CRPPA: variants seen among roughly 807,000 people sequenced by gnomAD.
CRPPA encodes the protein D-ribitol-5-phosphate cytidylyltransferase.
In CRPPA, 43 loss-of-function variants were observed where a neutral mutation model predicts 52.0. The observed-to-expected ratio is 0.83, with a 90% CI of 0.65 to 1.07. CRPPA has a LOEUF of 1.07. CRPPA is among the 50% of genes least tolerant of loss of function. The pLI is 0.00. For synonymous variants in CRPPA, 250 were observed against 203.5 expected (o/e 1.23, Z -1.94); for missense variants, 629 against 551.7 (o/e 1.14, Z -1.40).
chr7:16,243,145 T>C (rs1177885305), intron 8 of CRPPA, among the ~76,000 whole-genome samples: 1 of 152,154 alleles, frequency 6.6e-6, no homozygotes, highest in East Asian at 1.9e-4. Flanking sequence ...GCTGTTCTCG[T>C]GATAGTGAGT....
intron 9 of CRPPA, among the ~76,000 whole-genome samples, chr7:16,207,180 C>A (rs1464786551): frequency 6.6e-6 from 1 of 152,064 alleles, no homozygotes; most frequent in South Asian, 2.1e-4. Flanking sequence ...TTGCATATGA[C>A]CAAATTCTAC....
intron 3 of CRPPA, among the ~76,000 whole-genome samples, chr7:16,370,326 G>A (rs1338686196): frequency 2.0e-5 from 3 of 152,170 alleles, no homozygotes; most frequent in African/African-American, 7.2e-5. Context: ...AGCCATAGTT[G>A]CTATTTCTGC....
In CRPPA at chr7:16,238,896, G is replaced by A. The variant is rs368183856; in HGVS notation, c.1119+19494C>T. Among the ~76,000 whole-genome samples the A allele has an allele frequency of 3.3e-5, 5 of 152,112 alleles. 1 individual carries two copies. Among genetic ancestry groups the A allele is most frequent in the East Asian group, 3.9e-4 (2 of 5,184 alleles). On this transcript the variant is annotated intron_variant, in intron 8 of 9. Transcript: ENST00000407010. ...CTCATGCCTGTAATCCCAGCACTCT[G>A]GGAGGCCAAGGTGGGTGGATCACTT...
At chr7:16,337,152 G>A (rs914333337) in intron 3 of CRPPA, among the ~76,000 whole-genome samples, 2 of 151,946 alleles carry the variant, frequency 1.3e-5, no homozygotes, top group East Asian at 1.9e-4. Flanking sequence ...GAGAACATTC[G>A]GTCCAACGGC....
intron 3 of CRPPA, among the ~76,000 whole-genome samples, chr7:16,327,276 T>C (rs991075360): frequency 6.6e-6 from 1 of 152,114 alleles, no homozygotes; most frequent in Non-Finnish European, 1.5e-5. Flanking sequence ...TTGTTCAACA[T>C]GCATCCTGTG....
chr7:16,088,121 A>C lies in CRPPA; in HGVS notation c.*3574T>G, dbSNP rs1467432226. Reference sequence around the variant, plus strand: ...CTCAAATTGAGCACTTTTATGAAAAAAAATAGGACCTCTACCAAAATGTCA... The same window carrying C: ...CTCAAATTGAGCACTTTTATGAAAACAAATAGGACCTCTACCAAAATGTCA... On this transcript the variant is annotated 3_prime_UTR_variant, in exon 10 of 10. Coordinates refer to ENST00000407010, the MANE Select transcript of CRPPA (RefSeq NM_001101426.4). 1 of 152,190 alleles carries C rather than the reference A, an allele frequency of 6.6e-6. No individual in the cohort carries two copies. Among genetic ancestry groups the C allele is most frequent in the Non-Finnish European group, 1.5e-5 (1 of 68,034 alleles). The allele number at this position is 152,190 out of a possible 1,614,324, so 9.4% of individuals were successfully genotyped here. A position where few individuals can be genotyped will look rare whatever the true frequency, so the allele number is the denominator to read the frequency against.
At chr7:16,403,685 G>A (rs542391562) in intron 2 of CRPPA, among the ~76,000 whole-genome samples, 4 of 152,186 alleles carry the variant, frequency 2.6e-5, no homozygotes, top group East Asian at 1.9e-4. Flanking sequence ...AGTCAGTACA[G>A]TGAGAGAACT....
At chr7:16,412,335 A>G (rs1381135224) in intron 1 of CRPPA, among the ~76,000 whole-genome samples, 2 of 152,324 alleles carry the variant, frequency 1.3e-5, no homozygotes, top group South Asian at 2.1e-4. Context: ...CGTAGCACAG[A>G]GATAGGTTGT....
At chr7:16,315,743 C>T (rs1471619174) in intron 3 of CRPPA, among the ~76,000 whole-genome samples, 2 of 152,086 alleles carry the variant, frequency 1.3e-5, no homozygotes, top group African/African-American at 2.4e-5. Context: ...TCCCCTTTGA[C>T]TGGGTCCTCC....
At chr7:16,149,703 T>C (rs1783038053) in intron 9 of CRPPA, among the ~76,000 whole-genome samples, 1 of 152,180 alleles carries the variant, frequency 6.6e-6, no homozygotes, top group Non-Finnish European at 1.5e-5. Context: ...TAAAAACTAT[T>C]GGCCAGGAGC....
chr7:16,088,885 C>T lies in CRPPA; in HGVS notation c.*2810G>A, dbSNP rs1781755054. 1 of 178,402 alleles carries T rather than the reference C, an allele frequency of 5.6e-6. No individual in the cohort carries two copies. Among genetic ancestry groups the T allele is most frequent in the Non-Finnish European group, 1.2e-5 (1 of 81,774 alleles). 11.1% of individuals were successfully genotyped at this position (178,402 alleles called of 1,614,324 possible). On this transcript the variant is annotated 3_prime_UTR_variant, in exon 10 of 10. Coordinates refer to ENST00000407010, the MANE Select transcript of CRPPA (RefSeq NM_001101426.4). ...TGTCCCACCCTTCTTGTCCATTTCG[C>T]CAATGTTCATTCAGTGCCTCTGGCT...
intron 6 of CRPPA, among the ~76,000 whole-genome samples, chr7:16,266,475 T>C (rs1438608834): frequency 1.5e-5 from 2 of 137,134 alleles, no homozygotes; most frequent in African/African-American, 2.8e-5. Context: ...TCCCGTTTTT[T>C]GTTTTTCTTT....
chr7:16,286,044 A>AATATATATATATATAT, intron 5 of CRPPA, among the ~76,000 whole-genome samples: 1 of 12,542 alleles, frequency 8.0e-5, no homozygotes, highest in Non-Finnish European at 1.2e-4. Context: ...AAAAAATATA[A>AATATATATATATATAT]ATATATATAT....
At chr7:16,318,969 T>TCACAGAA (rs2128426917) in intron 3 of CRPPA, among the ~76,000 whole-genome samples, 1 of 152,268 alleles carries the variant, frequency 6.6e-6, no homozygotes, top group Admixed American at 6.5e-5. Context: ...TTTTCCATCT[T>TCACAGAA]GGCTATCATC....
intron 9 of CRPPA, among the ~76,000 whole-genome samples, chr7:16,108,672 T>C (rs1437155613): frequency 3.3e-5 from 5 of 151,818 alleles, no homozygotes; most frequent in Admixed American, 2.6e-4. Context: ...CTCAAGCAGA[T>C]GAAATATTCT....
intron 3 of CRPPA, among the ~76,000 whole-genome samples, chr7:16,368,133 G>C (rs897586571): frequency 1.3e-5 from 2 of 152,130 alleles, no homozygotes; most frequent in African/African-American, 4.8e-5. Context: ...ATTTTAAAAA[G>C]CTTCTTTGTA....
At chr7:16,374,806 T>C (rs993901642) in intron 3 of CRPPA, among the ~76,000 whole-genome samples, 1 of 152,148 alleles carries the variant, frequency 6.6e-6, no homozygotes, top group African/African-American at 2.4e-5. Context: ...TGTGCTGTTT[T>C]ATCATCCACC....
At chr7:16,240,358 T>G (rs1783070844) in intron 8 of CRPPA, among the ~76,000 whole-genome samples, 2 of 151,932 alleles carry the variant, frequency 1.3e-5, no homozygotes, top group South Asian at 4.1e-4. Context: ...GTAATTGTAT[T>G]TCTGCCACTG....
chr7:16,220,896 T>A (rs1221564601), intron 8 of CRPPA, among the ~76,000 whole-genome samples: 1 of 152,084 alleles, frequency 6.6e-6, no homozygotes, highest in African/African-American at 2.4e-5. Flanking sequence ...TTCAATGCCA[T>A]CCCCATCAAG....
Sources: allele counts gnomAD v4.1 joint callset (sites outside exome capture counted in the v4.1 genomes callset), GRCh38; gene constraint gnomAD v4.1.1; transcripts MANE v1.5; gene names NCBI Gene and HGNC (gene_info 2026-07-23, HGNC 2026-07-21).